Variants in KRT26 observed in about 807,000 individuals in gnomAD.
The protein encoded by KRT26 is keratin, type I cytoskeletal 26.
KRT26 carries 45 observed loss-of-function variants against 46.1 expected under a neutral mutation model. The ratio of observed to expected loss-of-function variants is 0.98; its 90% CI spans 0.77 to 1.25. The LOEUF (loss-of-function observed/expected upper bound fraction) is 1.25, where lower values mean the gene tolerates loss of function less well. Ranked by LOEUF, KRT26 falls within the 50% of genes most tolerant of loss-of-function variation. The pLI is 0.00. For missense variants in KRT26, 582 were observed against 560.1 expected (o/e 1.04, Z -0.39); for synonymous variants, 191 against 209.9 (o/e 0.91, Z 0.78).
chr17:40,768,643 C>A (rs1319434828), intron 6 of KRT26, among the ~76,000 whole-genome samples: 1 of 152,152 alleles, frequency 6.6e-6, no homozygotes, highest in Non-Finnish European at 1.5e-5. Context: ...GTTAAATATT[C>A]TATATTTAAA....
At chr17:40,771,638 T>C in intron 1 of KRT26, 35 bp downstream of exon 1, 1 of 1,526,486 alleles carries the variant, frequency 6.6e-7, no homozygotes, top group Non-Finnish European at 8.9e-7. Flanking sequence ...ACACACAAAG[T>C]CTGTAGTAAA....
At chr17:40,766,451 C>G (rs2038172541) in exon 8 of KRT26, 3 of 1,324,734 alleles carry the variant, frequency 2.3e-6, no homozygotes, top group East Asian at 2.4e-5. Context: ...GCAAAGGCAG[C>G]CTTTCTTTCT....
At position 40,766,661 on chromosome 17, in the gene KRT26, T is replaced by C. The variant is rs1597797620; in HGVS notation, c.1261A>G (p.Thr421Ala). Residue 421 changes from threonine to alanine, a missense_variant, in exon 8 of 8, where the codon ACA (threonine) becomes GCA (alanine). Physicochemically the swap from Thr to Ala is moderately conservative, Grantham distance 58. Coordinates refer to ENST00000335552, the Ensembl canonical transcript of KRT26. ...ACTGTTTTAACAATAGTTTCTTCTG[T>C]TGAGTCTAAAATAAAATAAATAAAA... 2.5e-6 allele frequency: 4 copies of C among 1,609,320 alleles called. No individual in the cohort carries two copies. Among genetic ancestry groups the C allele is most frequent in the Non-Finnish European group, 3.4e-6 (4 of 1,176,830 alleles).
chr17:40,771,374 T>A (rs2038219950), intron 1 of KRT26, 138 bp from the exon 2 acceptor site: 2 of 600,204 alleles, frequency 3.3e-6, no homozygotes, highest in African/African-American at 1.9e-5. Flanking sequence ...AATCTGGATT[T>A]TCTTCAGATA....
At chr17:40,769,442 C>G (rs904567602) in intron 5 of KRT26, among the ~76,000 whole-genome samples, 2 of 152,064 alleles carry the variant, frequency 1.3e-5, no homozygotes, top group Admixed American at 6.5e-5. Context: ...CAGGTGTGAG[C>G]CACTGTGCTT....
chr17:40,769,410 G>C (rs1044373252), intron 5 of KRT26, among the ~76,000 whole-genome samples: 1 of 152,134 alleles, frequency 6.6e-6, no homozygotes, highest in African/African-American at 2.4e-5. Flanking sequence ...ACCTGCCGTG[G>C]CCTCCCAAAG....
rs1448891816 is a variant in KRT26, at chr17:40,769,087, A to T, written c.979T>A (p.Tyr327Asn). 6 of 1,612,152 alleles carry T rather than the reference A, an allele frequency of 3.7e-6. No homozygotes were observed. The South Asian group carries it at 6.6e-5, about 18-fold the overall frequency. The change falls in exon 6 of 8, where the codon TAT (tyrosine) becomes AAT (asparagine). Residue 327 changes from tyrosine (Y) to asparagine (N), a missense_variant. Transcript: ENST00000335552. ...TCAGTCTCAGCCAAGGAGCATTCAT[A>T]GGAATGTTTCTGAAAGAAAAGCAAA...
At chr17:40,766,478 CTCTT>C (rs543415853) in exon 8 of KRT26, 331 of 1,421,692 alleles carry the variant, frequency 2.3e-4, no homozygotes, top group Non-Finnish European at 2.6e-4. Context: ...CTCTCTCTCT[CTCTT>C]TCTTTCTTTC....
exon 6 of KRT26, chr17:40,769,024 G>T: frequency 1.2e-6 from 2 of 1,613,932 alleles, no homozygotes; most frequent in Non-Finnish European, 1.7e-6. Flanking sequence ...ACCCCTATCT[G>T]ATCCTGAATT....
Position 40,771,728 on chromosome 17 carries a change from TC to T in KRT26, c.385del (p.Glu129AsnfsTer13). 1 of 1,614,236 alleles carries T rather than the reference TC, an allele frequency of 6.2e-7. No homozygotes were observed. The highest frequency in any genetic ancestry group is 8.5e-7 in the Non-Finnish European group (1 of 1,180,054). ...GTATCTGCTATAGTCATGATCGTGT[TC>T]CCGGGAAGAGCCAGGCTCACATTTC... On this transcript the variant is annotated frameshift_variant, in exon 1 of 8. Transcript: ENST00000335552. LOFTEE classifies it high-confidence loss of function.
intron 5 of KRT26, 137 bp downstream of exon 5, chr17:40,769,617 T>C: frequency 1.1e-6 from 1 of 927,264 alleles, no homozygotes; most frequent in South Asian, 1.9e-5. Flanking sequence ...GGGACAGAAT[T>C]CTTGATATTT....
At chr17:40,770,519 A>C (rs1597799125) in intron 2 of KRT26, 110 bp from the exon 3 acceptor site, 1 of 813,200 alleles carries the variant, frequency 1.2e-6, no homozygotes, top group East Asian at 2.6e-5. Context: ...CATACCTCTG[A>C]AGCTTCTTGC....
chr17:40,767,204 A>C (rs1170408026), intron 7 of KRT26, among the ~76,000 whole-genome samples: 2 of 152,262 alleles, frequency 1.3e-5, no homozygotes, highest in South Asian at 4.1e-4. Context: ...ACATGGATTA[A>C]AACAATCTAA....
chr17:40,766,513 C>T, exon 8 of KRT26: 2 of 1,569,678 alleles, frequency 1.3e-6, no homozygotes, highest in Non-Finnish European at 8.6e-7. Context: ...ACTTTTTCCT[C>T]ATTATGGTGC....
intron 5 of KRT26, 60 bp from the exon 6 acceptor site, chr17:40,769,156 T>C: frequency 1.9e-6 from 2 of 1,074,398 alleles, no homozygotes; most frequent in Non-Finnish European, 2.8e-6. Context: ...GGTCATCTTA[T>C]ATTATTTTAT....
Position 40,771,037 on chromosome 17 carries a change from T to C in KRT26, c.524+117A>G, listed in dbSNP as rs974660833. On this transcript the variant is annotated intron_variant, in intron 2 of 7. Coordinates refer to ENST00000335552, the Ensembl canonical transcript of KRT26. ...GGCTTATTTAATTCAATTTCTTTAT[T>C]GATCTAGTCTGGCTTTAGAAAAACA... The C allele has an allele frequency of 3.2e-5, 17 of 535,092 alleles. No individual in the cohort carries two copies. The Admixed American group carries it at 3.5e-4, about 11-fold the overall frequency. 33.1% of individuals were successfully genotyped at this position (535,092 alleles called of 1,614,324 possible).
In KRT26 at chr17:40,771,132, TAATC is replaced by T; in HGVS notation, c.524+18_524+21del. 1.4e-6 allele frequency: 2 copies of T among 1,410,752 alleles called. No homozygotes were observed. Among genetic ancestry groups the T allele is most frequent in the Admixed American group, 2.0e-5 (1 of 50,668 alleles). The allele number at this position is 1,410,752 out of a possible 1,614,324, so 87.4% of individuals were successfully genotyped here. ...ATATTTTAACTTTTATTAATATAAT[TAATC>T]AGTTTGTTTTCACCTACTTCAGCCT... On this transcript the variant is annotated intron_variant, in intron 2 of 7. Coordinates refer to ENST00000335552, the Ensembl canonical transcript of KRT26.
At chr17:40,766,308 G>A (rs564961584) in exon 8 of KRT26, 286 of 385,892 alleles carry the variant, frequency 7.4e-4, no homozygotes, top group Non-Finnish European at 1.1e-3. Context: ...TAGGGACAGA[G>A]CAGGATTTTT....
At chr17:40,769,094 T>C in exon 6 of KRT26, 1 of 1,609,002 alleles carries the variant, frequency 6.2e-7, no homozygotes, top group Non-Finnish European at 8.5e-7. Flanking sequence ...CATAGGAATG[T>C]TTCTGAAAGA....
Sources: allele counts gnomAD v4.1 joint callset (sites outside exome capture counted in the v4.1 genomes callset), GRCh38; gene constraint gnomAD v4.1.1; transcripts MANE v1.5; gene names NCBI Gene and HGNC (gene_info 2026-07-23, HGNC 2026-07-21).